MROH2A: variants seen among roughly 807,000 people sequenced by gnomAD.
MROH2A encodes the protein maestro heat like repeat family member 2A.
In MROH2A, 174 loss-of-function variants were observed where a neutral mutation model predicts 200.4. The ratio of observed to expected loss-of-function variants is 0.87; its 90% CI spans 0.77 to 0.98. MROH2A has a LOEUF of 0.98. Ranked by LOEUF, MROH2A falls within the 50% of genes least tolerant of loss-of-function variation. The pLI is 0.00. For synonymous variants in MROH2A, 829 were observed against 840.4 expected, an observed-to-expected ratio of 0.99 and a Z score of 0.23; for missense variants, 2,045 against 2,139.6, an observed-to-expected ratio of 0.96 and a Z score of 0.87.
chr2:233,827,713 C>A (rs1704411621), intron 35 of MROH2A, among the ~76,000 whole-genome samples: 1 of 151,882 alleles, frequency 6.6e-6, no homozygotes, highest in South Asian at 2.1e-4. Flanking sequence ...TGCACATGTA[C>A]CCCAGAACTA....
intron 38 of MROH2A, among the ~76,000 whole-genome samples, chr2:233,831,190 G>C (rs1361368860): frequency 6.6e-6 from 1 of 152,258 alleles, no homozygotes; most frequent in African/African-American, 2.4e-5. Flanking sequence ...GGGTGGGGCT[G>C]CATCTGCCCC....
intron 21 of MROH2A, 68 bp from the exon 22 acceptor site, chr2:233,809,058 A>T: frequency 6.7e-7 from 1 of 1,496,046 alleles, no homozygotes; most frequent in South Asian, 1.3e-5. Flanking sequence ...GTGTGGCCAG[A>T]GACCATCACC....
rs143612294 is a variant in MROH2A, at chr2:233,807,626, T to TTGTGTG, written c.2172+94_2173-92dup. 2.8e-4 allele frequency: 407 copies of TTGTGTG among 1,460,964 alleles called. 1 individual carries two copies. In the South Asian group the frequency reaches 4.6e-3, roughly 17 times the overall value. The allele number at this position is 1,460,964 out of a possible 1,614,324, so 90.5% of individuals were successfully genotyped here. ...GTGTGTTCATGTGGCTGCATGCGTT[T>TTGTGTG]TGTGTGTGTGTGTGTACATGTGTGT... On this transcript the variant is annotated intron_variant, in intron 20 of 41. Transcript: ENST00000389758. The surrounding 1 kb of genome is among the most constrained non-coding windows in gnomAD (Gnocchi z 4.3).
chr2:233,798,813 G>A lies in MROH2A; in HGVS notation c.1292G>A (p.Arg431Gln), dbSNP rs779519683. Residue 431 changes from arginine to glutamine, a missense_variant, in exon 12 of 42, where the codon CGG (arginine) becomes CAG (glutamine). Physicochemically the swap from Arg to Gln is conservative, Grantham distance 43 (BLOSUM62 1). Coordinates refer to ENST00000389758, the MANE Select transcript of MROH2A (RefSeq NM_001394639.1). Reference sequence around the variant, plus strand: ...ATCAGGGCCATCTACCTGGCTATCCGGGTAGTCAAGAACACCATCTCTGAT... The same window carrying A: ...ATCAGGGCCATCTACCTGGCTATCCAGGTAGTCAAGAACACCATCTCTGAT... ...MSIRAIYLAIRVVKNTISDTR... is the reference protein window; with the variant it reads ...MSIRAIYLAIQVVKNTISDTR... 28 of 1,550,296 alleles carry A rather than the reference G, an allele frequency of 1.8e-5. No homozygotes were observed. Among genetic ancestry groups the A allele is most frequent in the South Asian group, 2.4e-5 (2 of 84,046 alleles).
chr2:233,831,835 A>G (rs28900976), intron 39 of MROH2A, among the ~76,000 whole-genome samples: 2,157 of 152,336 alleles, frequency 0.014, 72 homozygotes, highest in East Asian at 0.091. Context: ...TAATCAGTAT[A>G]AAAACTATTA....
chr2:233,811,420 C>G (rs373479427), intron 23 of MROH2A, among the ~76,000 whole-genome samples: 2 of 152,228 alleles, frequency 1.3e-5, no homozygotes, highest in African/African-American at 4.8e-5. Context: ...GTGCCTTGGC[C>G]TCTCAAAGCT....
At chr2:233,800,025 C>CA in intron 13 of MROH2A, 126 bp downstream of exon 13, 1 of 1,327,124 alleles carries the variant, frequency 7.5e-7, no homozygotes, top group Non-Finnish European at 1.0e-6. Context: ...GACAGGAGTT[C>CA]ATAGACACAG....
intron 22 of MROH2A, among the ~76,000 whole-genome samples, 189 bp from the exon 23 acceptor site, chr2:233,810,605 G>A (rs1703092432): frequency 6.6e-6 from 1 of 152,214 alleles, no homozygotes; most frequent in Non-Finnish European, 1.5e-5. Context: ...ATGTGCCTGT[G>A]GCCCTGCCAT....
At chr2:233,811,216 G>GCTGTAGCTTCC (rs1703135322) in intron 23 of MROH2A, among the ~76,000 whole-genome samples, 1 of 152,226 alleles carries the variant, frequency 6.6e-6, no homozygotes, top group Admixed American at 6.5e-5. Flanking sequence ...GGCCGGCTTG[G>GCTGTAGCTTCC]CTGTAGCTTC....
chr2:233,800,631 A>ATGTGTGTG (rs10647744), intron 14 of MROH2A, among the ~76,000 whole-genome samples: 1 of 149,854 alleles, frequency 6.7e-6, no homozygotes, highest in African/African-American at 2.5e-5. Flanking sequence ...GTGTGTGTGT[A>ATGTGTGTG]TGTGTGTGTG....
intron 18 of MROH2A, 133 bp downstream of exon 18, chr2:233,804,680 G>A: frequency 1.2e-6 from 1 of 815,964 alleles, no homozygotes; most frequent in Non-Finnish European, 2.0e-6. Context: ...TGTCAGAGAA[G>A]ACTTGGGAGT....
At chr2:233,794,734 C>G (rs954437338) in intron 8 of MROH2A, among the ~76,000 whole-genome samples, 2 of 152,244 alleles carry the variant, frequency 1.3e-5, no homozygotes, top group East Asian at 3.9e-4. Flanking sequence ...GCTGGTCCCT[C>G]GGAGGCTGCA....
chr2:233,777,622 C>G (rs1245317692), upstream of MROH2A, among the ~76,000 whole-genome samples: 1 of 152,202 alleles, frequency 6.6e-6, no homozygotes, highest in Non-Finnish European at 1.5e-5. Flanking sequence ...TGAGCTCCCT[C>G]GTATTGGAGG....
Position 233,805,095 on chromosome 2 carries a change from G to C in MROH2A, c.2036G>C (p.Ser679Thr). The change falls in exon 19 of 42, where the codon AGC becomes ACC. Residue 679 changes from serine (S) to threonine (T), a missense_variant. By Grantham distance (58) the Ser-to-Thr change is moderately conservative. Around this residue, in one of 3 missense-constraint regions of MROH2A, gnomAD observed 1,201 missense variants for 1,311.3 expected, o/e 0.92. Coordinates refer to ENST00000389758, the MANE Select transcript of MROH2A (RefSeq NM_001394639.1). The part of the protein sequence containing the change: ...ELNNQIASFD[S>T]PSLEKGFLYR... ...AACAACCAGATTGCGAGCTTTGACAGCCCCTCTCTGGAGAAGGTTTGTCTT... is the reference window on the plus strand; with the variant it reads ...AACAACCAGATTGCGAGCTTTGACACCCCCTCTCTGGAGAAGGTTTGTCTT... 1 of 1,549,232 alleles carries C rather than the reference G, an allele frequency of 6.5e-7. No individual in the cohort carries two copies. Among genetic ancestry groups the C allele is most frequent in the South Asian group, 1.2e-5 (1 of 84,016 alleles).
intron 11 of MROH2A, among the ~76,000 whole-genome samples, chr2:233,796,850 G>A (rs1702144762): frequency 6.6e-6 from 1 of 152,200 alleles, no homozygotes. Flanking sequence ...CCCTAAAGTT[G>A]GGTAGCTTTG....
At chr2:233,779,554 G>A (rs1324829279) in intron 2 of MROH2A, 102 bp downstream of exon 2, 2 of 1,392,840 alleles carry the variant, frequency 1.4e-6, no homozygotes, top group South Asian at 1.3e-5. Flanking sequence ...CTGCACAGTG[G>A]ACATCATACC....
At chr2:233,777,690 A>G (rs899613118), upstream of MROH2A, among the ~76,000 whole-genome samples, 4 of 152,160 alleles carry the variant, frequency 2.6e-5, no homozygotes, top group Admixed American at 6.5e-5. Flanking sequence ...TTGGAGTGGA[A>G]ATTCCACTTA....
At position 233,807,769 on chromosome 2, in the gene MROH2A, C is replaced by G; in HGVS notation, c.2209C>G (p.Gln737Glu). ...IMCFGLCARG[Q>E]VKTVLNVLHD... ...GTGCTTTGGCCTGTGTGCCCGGGGC[C>G]AGGTAAAAACGGTGCTGAATGTGCT... is the stretch of plus-strand genomic sequence containing the variant. The change falls in exon 21 of 42, where the codon CAG becomes GAG. Residue 737 changes from glutamine to glutamate, a missense_variant. Physicochemically the swap from Gln to Glu is conservative, Grantham distance 29. This residue lies in a region of MROH2A where 1,201 missense variants were observed against 1,311.3 expected (regional missense o/e 0.92). Coordinates refer to ENST00000389758, the MANE Select transcript of MROH2A (RefSeq NM_001394639.1). This position sits in a 1 kb window ranked among gnomAD's most constrained non-coding sequence, Gnocchi z 4.3. 6.4e-7 allele frequency: 1 copy of G among 1,550,738 alleles called. No homozygotes were observed. Among genetic ancestry groups the G allele is most frequent in the Non-Finnish European group, 8.7e-7 (1 of 1,147,028 alleles).
rs1211841416 is a variant in MROH2A, at chr2:233,831,386, G to A, written c.4603-23G>A. ...ACCACGTGGCCTGGCTGATGGCTCT[G>A]CTGCCGTCCTGTGTCCCTGCAGGCC... On this transcript the variant is annotated intron_variant, in intron 38 of 41. Coordinates refer to ENST00000389758, the MANE Select transcript of MROH2A (RefSeq NM_001394639.1). 2.6e-6 allele frequency: 4 copies of A among 1,536,610 alleles called. No homozygotes were observed. The South Asian group carries it at 4.9e-5, about 19-fold the overall frequency.
Sources: gnomAD v4.1 joint callset for allele counts (sites outside exome capture counted in the v4.1 genomes callset) on GRCh38, gnomAD v4.1.1 for gene constraint, gnomAD v4.1.1 regional missense constraint, Gnocchi (gnomAD v3.1) non-coding constraint, MANE v1.5 for transcripts, NCBI Gene and HGNC (gene_info 2026-07-23, HGNC 2026-07-21) for gene names.